Variants in ZNF487 observed in about 807,000 individuals in gnomAD.
ZNF487 encodes KRAB domain only 1.
ZNF487 carries 4 observed loss-of-function variants against 3.0 expected under a neutral mutation model. The observed-to-expected ratio is 1.35, with a 90% CI of 0.66 to 3.08. The LOEUF is 3.08. ZNF487 is among the 30% of genes most tolerant of loss of function. The probability of loss-of-function intolerance (pLI) is 0.01; values close to 1 mark genes in which losing one functional copy is unlikely to be tolerated. For synonymous variants in ZNF487, 55 were observed against 34.6 expected (o/e 1.59, Z -2.06); for missense variants, 146 against 98.7 (o/e 1.48, Z -2.03).
the ZNF487 span, among the ~76,000 whole-genome samples, chr10:43,491,929 T>C: frequency 6.1e-4 from 93 of 151,728 alleles, 2 homozygotes; most frequent in African/African-American, 2.3e-3. Flanking sequence ...TTTTGTTTTA[T>C]TTTGTTTGTT....
chr10:43,445,825 G>A (rs992144605), intron 1 of ZNF487, among the ~76,000 whole-genome samples: 2 of 152,086 alleles, frequency 1.3e-5, no homozygotes, highest in African/African-American at 4.8e-5. Flanking sequence ...AGGACCCTGC[G>A]GCCTTCCGCA....
At chr10:43,456,741 C>G (rs889491580) in intron 1 of ZNF487, among the ~76,000 whole-genome samples, 2 of 151,974 alleles carry the variant, frequency 1.3e-5, no homozygotes, top group African/African-American at 2.4e-5. Flanking sequence ...ACACCATGCC[C>G]GGTTAATTTT....
the ZNF487 span, among the ~76,000 whole-genome samples, chr10:43,521,864 CGT>C: frequency 6.6e-6 from 1 of 150,558 alleles, no homozygotes; most frequent in Non-Finnish European, 1.5e-5. Context: ...TATATACACA[CGT>C]ATATATTATA....
intron 3 of ZNF487, among the ~76,000 whole-genome samples, chr10:43,479,953 A>C (rs1314633304): frequency 7.0e-5 from 4 of 57,198 alleles, no homozygotes. Context: ...ACTGCACCTG[A>C]CTCTCTTTCT....
chr10:43,511,696 G>C, the ZNF487 span, among the ~76,000 whole-genome samples: 1 of 152,116 alleles, frequency 6.6e-6, no homozygotes, highest in South Asian at 2.1e-4. Flanking sequence ...CTCCACTCTT[G>C]CCACCATGGC....
chr10:43,462,339 A>G (rs1181670529), intron 1 of ZNF487, among the ~76,000 whole-genome samples: 1 of 147,672 alleles, frequency 6.8e-6, no homozygotes, highest in East Asian at 2.0e-4. Flanking sequence ...ACCTCGTTTT[A>G]TTGTCCCTTG....
downstream of ZNF487, among the ~76,000 whole-genome samples, chr10:43,484,768 TC>T (rs1433059035): frequency 6.6e-6 from 1 of 152,232 alleles, no homozygotes; most frequent in Non-Finnish European, 1.5e-5. Flanking sequence ...TCAACAATAT[TC>T]CCAGTATTAT....
upstream of ZNF487, chr10:43,437,011 C>T (rs1589013880): frequency 2.6e-6 from 1 of 386,948 alleles, no homozygotes; most frequent in Non-Finnish European, 5.5e-6. Flanking sequence ...CGAGCCCCCG[C>T]TAGGCACGCG....
chr10:43,487,676 T>A (rs1841481795), downstream of ZNF487, among the ~76,000 whole-genome samples: 1 of 151,614 alleles, frequency 6.6e-6, no homozygotes, highest in African/African-American at 2.4e-5. Context: ...GGTGTCCATC[T>A]TCCGACTTCA....
intron 1 of ZNF487, among the ~76,000 whole-genome samples, chr10:43,465,407 C>G (rs1208333290): frequency 6.7e-6 from 1 of 150,162 alleles, no homozygotes; most frequent in Admixed American, 6.6e-5. Flanking sequence ...GGCTGCCGGG[C>G]GGAGGGGCTC....
intron 3 of ZNF487, among the ~76,000 whole-genome samples, chr10:43,477,205 C>CTTT (rs1174769570): frequency 7.1e-6 from 1 of 140,848 alleles, no homozygotes. Flanking sequence ...TTCTTTATTT[C>CTTT]TTTTTTTTTT....
the ZNF487 span, among the ~76,000 whole-genome samples, chr10:43,489,965 T>C: frequency 6.6e-6 from 1 of 152,204 alleles, no homozygotes; most frequent in African/African-American, 2.4e-5. Context: ...AAGGCAGATG[T>C]TGCCAAATTG....
At chr10:43,517,372 C>T in the ZNF487 span, among the ~76,000 whole-genome samples, 1 of 152,238 alleles carries the variant, frequency 6.6e-6, no homozygotes, top group South Asian at 2.1e-4. Flanking sequence ...GATGCTGTTA[C>T]TTGCAAGTTG....
the ZNF487 span, among the ~76,000 whole-genome samples, chr10:43,519,930 G>C: frequency 6.6e-6 from 1 of 152,162 alleles, no homozygotes; most frequent in African/African-American, 2.4e-5. Flanking sequence ...TCATTCTAGT[G>C]TGTATCTTTC....
the ZNF487 span, among the ~76,000 whole-genome samples, chr10:43,490,312 A>G: frequency 6.6e-6 from 1 of 152,044 alleles, no homozygotes; most frequent in Admixed American, 6.6e-5. Flanking sequence ...AGATCGTGCC[A>G]CTGTACTCCA....
At chr10:43,467,044 AT>A (rs1001081472) in intron 1 of ZNF487, among the ~76,000 whole-genome samples, 33 of 146,396 alleles carry the variant, frequency 2.3e-4, no homozygotes, top group African/African-American at 6.0e-4. Context: ...ATTGTTTTGT[AT>A]TTTTTTTTTA....
chr10:43,507,726 C>T, the ZNF487 span, among the ~76,000 whole-genome samples: 5 of 152,280 alleles, frequency 3.3e-5, no homozygotes, highest in South Asian at 6.2e-4. Flanking sequence ...ACAAAATGAC[C>T]TTCCTGGATG....
intron 1 of ZNF487, among the ~76,000 whole-genome samples, chr10:43,454,956 A>AAAAAAC (rs1840125062): frequency 6.6e-6 from 1 of 150,616 alleles, no homozygotes; most frequent in African/African-American, 2.4e-5. Flanking sequence ...AAAAAAAAAA[A>AAAAAAC]AGTCCTTTAA....
At chr10:43,465,335 C>T (rs1376895172) in intron 1 of ZNF487, among the ~76,000 whole-genome samples, 1 of 151,618 alleles carries the variant, frequency 6.6e-6, no homozygotes, top group South Asian at 2.1e-4. Context: ...GGCGGAGACG[C>T]TCCTCACTTC....
Sources: gnomAD v4.1 joint callset for allele counts (sites outside exome capture counted in the v4.1 genomes callset) on GRCh38, gnomAD v4.1.1 for gene constraint, MANE v1.5 for transcripts, NCBI Gene and HGNC (gene_info 2026-07-23, HGNC 2026-07-21) for gene names.